FAM117A: variants seen among roughly 807,000 people sequenced by gnomAD.
FAM117A encodes the protein protein FAM117A.
Under a neutral mutation model 44.1 loss-of-function variants are expected in FAM117A, and 21 were observed. The ratio of observed to expected loss-of-function variants is 0.48; its 90% CI spans 0.34 to 0.69. The LOEUF is 0.69. Among genes scored for constraint, FAM117A ranks in the 30% least tolerant of loss-of-function variants. FAM117A has a pLI of 0.01. For synonymous variants in FAM117A, 220 were observed against 238.3 expected (o/e 0.92, Z 0.71); for missense variants, 498 against 589.9 (o/e 0.84, Z 1.61).
rs768720119 is a variant in FAM117A at position 49,711,281 on chromosome 17, G to A, written c.1336C>T (p.Leu446Phe). The A allele has an allele frequency of 1.1e-5, 18 of 1,608,404 alleles. No individual in the cohort carries two copies. The highest frequency in any genetic ancestry group is 1.8e-4 in the Middle Eastern group (1 of 5,526). ...CAGACCATCAGGGAGCTCTGGAAAA[G>A]CACAGGCTCTTCTGATGGTGGGGTG... ...QRTPPSEEPVLFQSSLMV is the reference protein window; with the variant it reads ...QRTPPSEEPVFFQSSLMV Residue 446 changes from leucine (L) to phenylalanine (F), a missense_variant, in exon 8 of 8, where the codon CTT becomes TTT. By Grantham distance (22) the Leu-to-Phe change is conservative. Coordinates refer to ENST00000240364, the MANE Select transcript of FAM117A (RefSeq NM_030802.4).
intron 1 of FAM117A, among the ~76,000 whole-genome samples, chr17:49,737,927 G>T (rs113025680): frequency 2.0e-3 from 307 of 152,264 alleles, no homozygotes; most frequent in African/African-American, 6.7e-3. Flanking sequence ...ACCCTCTGAG[G>T]CTGCTGGGAC....
chr17:49,723,910 G>C (rs185408895), intron 2 of FAM117A, among the ~76,000 whole-genome samples: 1 of 152,132 alleles, frequency 6.6e-6, no homozygotes, highest in Non-Finnish European at 1.5e-5. Context: ...TGAGCATCAC[G>C]AGTAAGTAGG....
intron 1 of FAM117A, among the ~76,000 whole-genome samples, chr17:49,763,133 C>CAG (rs2073729124): frequency 6.8e-6 from 1 of 146,130 alleles, no homozygotes; most frequent in Non-Finnish European, 1.5e-5. Context: ...TACACACACA[C>CAG]ACACACACAC....
chr17:49,724,859 AAAAAG>A (rs1273662587), intron 2 of FAM117A, among the ~76,000 whole-genome samples: 1 of 151,810 alleles, frequency 6.6e-6, no homozygotes. Context: ...AAAAAAGAAA[AAAAAG>A]AAAAGAAAAA....
intron 2 of FAM117A, among the ~76,000 whole-genome samples, chr17:49,725,241 GCTCTT>G (rs1159056644): frequency 6.6e-6 from 1 of 152,214 alleles, no homozygotes; most frequent in Non-Finnish European, 1.5e-5. Context: ...CAGGCTGACT[GCTCTT>G]CTGCTCTGTG....
At chr17:49,720,477 A>G (rs772981648) in intron 3 of FAM117A, 41 bp from the exon 4 acceptor site, 7 of 1,532,178 alleles carry the variant, frequency 4.6e-6, no homozygotes, top group Non-Finnish European at 6.3e-6. Flanking sequence ...AGATTAAGGA[A>G]AGCCAAAGTG....
chr17:49,784,771 G>C lies in FAM117A; in HGVS notation c.-621+3726C>G, dbSNP rs994681352. Among the ~76,000 whole-genome samples, 8 of 152,242 alleles carry C rather than the reference G, an allele frequency of 5.3e-5. 1 individual carries two copies. Among genetic ancestry groups the C allele is most frequent in the African/African-American group, 1.7e-4 (7 of 41,528 alleles). On this transcript the variant is annotated intron_variant, in intron 1 of 7. Coordinates refer to the FAM117A transcript ENST00000513602. ...CTTGCTTATCTCCCTATTTTCCCATGTAATACTCTACAGTGTTTTGTAAGT... is the reference window on the plus strand; with the variant it reads ...CTTGCTTATCTCCCTATTTTCCCATCTAATACTCTACAGTGTTTTGTAAGT...
At chr17:49,756,281 T>G (rs918149865) in intron 1 of FAM117A, among the ~76,000 whole-genome samples, 1 of 152,172 alleles carries the variant, frequency 6.6e-6, no homozygotes, top group African/African-American at 2.4e-5. Flanking sequence ...AATTTATATT[T>G]TATTCACTTA....
chr17:49,763,203 T>G (rs534451704), intron 1 of FAM117A, among the ~76,000 whole-genome samples: 90 of 151,562 alleles, frequency 5.9e-4, no homozygotes, highest in African/African-American at 2.0e-3. Flanking sequence ...ACAGCCATAT[T>G]AAGCAGGTCA....
upstream of FAM117A, chr17:49,788,976 C>T (rs2073845660): frequency 6.8e-6 from 6 of 882,478 alleles, no homozygotes; most frequent in South Asian, 7.7e-5. Context: ...GTTCAGCTAC[C>T]CTCTCTTCTG....
chr17:49,760,651 A>G (rs1310953358), intron 1 of FAM117A, among the ~76,000 whole-genome samples: 1 of 152,158 alleles, frequency 6.6e-6, no homozygotes, highest in Non-Finnish European at 1.5e-5. Flanking sequence ...TGGAGAAATA[A>G]TTTGCAAACC....
intron 1 of FAM117A, among the ~76,000 whole-genome samples, chr17:49,734,420 G>A (rs1055598430): frequency 4.7e-5 from 7 of 150,274 alleles, no homozygotes; most frequent in African/African-American, 1.2e-4. Context: ...GTGAAACCCC[G>A]TCTCTAAAAA....
At chr17:49,736,307 A>G (rs2073610658) in intron 1 of FAM117A, among the ~76,000 whole-genome samples, 2 of 150,010 alleles carry the variant, frequency 1.3e-5, no homozygotes, top group Admixed American at 1.3e-4. Flanking sequence ...CCCAGGCTGG[A>G]GTGCAGTGGC....
intron 2 of FAM117A, among the ~76,000 whole-genome samples, chr17:49,728,133 C>T (rs1393742258): frequency 6.6e-6 from 1 of 152,250 alleles, no homozygotes; most frequent in African/African-American, 2.4e-5. Flanking sequence ...ATGTTTGGTA[C>T]TTTTGTCAAA....
At chr17:49,779,609 C>T (rs571144690) in intron 1 of FAM117A, among the ~76,000 whole-genome samples, 11 of 152,302 alleles carry the variant, frequency 7.2e-5, no homozygotes, top group African/African-American at 1.9e-4. Context: ...AATGGCCTGC[C>T]GCCCTTCCTA....
At chr17:49,716,054 T>C (rs1258496103) in intron 7 of FAM117A, 111 bp downstream of exon 7, 3 of 1,193,646 alleles carry the variant, frequency 2.5e-6, no homozygotes, top group Non-Finnish European at 3.6e-6. Context: ...GCAATACTTA[T>C]CATCTAAAGT....
At chr17:49,717,365 G>T in intron 6 of FAM117A, 148 bp downstream of exon 6, 1 of 628,314 alleles carries the variant, frequency 1.6e-6, no homozygotes, top group Non-Finnish European at 2.7e-6. Context: ...ATTATCATTG[G>T]TATAATGTGC....
intron 2 of FAM117A, among the ~76,000 whole-genome samples, chr17:49,728,146 A>G (rs569537811): frequency 7.9e-5 from 12 of 152,352 alleles, no homozygotes; most frequent in African/African-American, 2.6e-4. Context: ...TTGTCAAACT[A>G]TGCTGAACAA....
intron 1 of FAM117A, among the ~76,000 whole-genome samples, chr17:49,772,184 T>C (rs1260882936): frequency 6.6e-6 from 1 of 151,770 alleles, no homozygotes; most frequent in African/African-American, 2.4e-5. Flanking sequence ...TCCCAGTTAT[T>C]TGGGAGGCTG....
Sources: gnomAD v4.1 joint callset for allele counts (sites outside exome capture counted in the v4.1 genomes callset) on GRCh38, gnomAD v4.1.1 for gene constraint, MANE v1.5 for transcripts, NCBI Gene and HGNC (gene_info 2026-07-23, HGNC 2026-07-21) for gene names.